SDK2: variants seen among roughly 807,000 people sequenced by gnomAD.
SDK2 encodes protein sidekick-2.
Under a neutral mutation model 253.9 loss-of-function variants are expected in SDK2, and 105 were observed. That is an observed-to-expected ratio of 0.41 (90% confidence interval 0.35 to 0.49). The LOEUF (loss-of-function observed/expected upper bound fraction) is 0.49, where lower values mean the gene tolerates loss of function less well. Among genes scored for constraint, SDK2 ranks in the 20% least tolerant of loss-of-function variants. SDK2 has a pLI of 0.06. For synonymous variants in SDK2, 1,249 were observed against 1,234.9 expected, an observed-to-expected ratio of 1.01 and a Z score of -0.24; for missense variants, 2,608 against 3,003.0, an observed-to-expected ratio of 0.87 and a Z score of 3.07.
At chr17:73,623,969 A>G (rs1213003476) in intron 1 of SDK2, among the ~76,000 whole-genome samples, 1 of 152,178 alleles carries the variant, frequency 6.6e-6, no homozygotes, top group Non-Finnish European at 1.5e-5. Flanking sequence ...CCATTAACAA[A>G]GCAGGGCCTC....
chr17:73,408,942 C>T (rs760299898), intron 18 of SDK2, among the ~76,000 whole-genome samples: 43 of 152,212 alleles, frequency 2.8e-4, no homozygotes, highest in Admixed American at 5.2e-4. Flanking sequence ...AATGATAATG[C>T]AGTTACTGTG....
Position 73,352,502 on chromosome 17 carries a change from G to A in SDK2, c.5729C>T (p.Thr1910Ile), listed in dbSNP as rs1476556516. 1.2e-6 allele frequency: 2 copies of A among 1,613,620 alleles called. No homozygotes were observed. The highest frequency in any genetic ancestry group is 2.2e-5 in the East Asian group (1 of 44,888). Residue 1910 changes from threonine to isoleucine, a missense_variant, in exon 41 of 45, where the codon ACC becomes ATC. Transcript: ENST00000392650. The surrounding 1 kb of genome is among the most constrained non-coding windows in gnomAD (Gnocchi z 4.1). ...VIAVNDYGFG[T>I]PSSPSQSVPA... The stretch of plus-strand genomic sequence containing the variant: ...CACAGACTGGGAGGGGCTGCTGGGG[G>A]TGCCGAAACCATAGTCGTTGACCGC...
At chr17:73,339,635 C>A (rs1467379877) in intron 44 of SDK2, among the ~76,000 whole-genome samples, 1 of 151,672 alleles carries the variant, frequency 6.6e-6, no homozygotes, top group Non-Finnish European at 1.5e-5. Context: ...CTCTCTGTAG[C>A]CTCAACCTCC....
At chr17:73,637,312 CCATTAGG>C (rs2143292454) in intron 1 of SDK2, among the ~76,000 whole-genome samples, 1 of 152,258 alleles carries the variant, frequency 6.6e-6, no homozygotes, top group Non-Finnish European at 1.5e-5. Context: ...AGCTCCCTTG[CCATTAGG>C]TGGGACCATG....
chr17:73,359,353 A>T (rs66884550), intron 39 of SDK2, among the ~76,000 whole-genome samples: 38,107 of 150,706 alleles, frequency 0.25, 5,239 homozygotes, highest in Middle Eastern at 0.34. Flanking sequence ...CCCTATGCCC[A>T]CCCCACAGCA....
intron 9 of SDK2, among the ~76,000 whole-genome samples, chr17:73,434,675 C>T (rs1372024968): frequency 6.6e-6 from 1 of 152,218 alleles, no homozygotes. Context: ...GGGTCTCACT[C>T]TGTCACCCAG....
intron 1 of SDK2, among the ~76,000 whole-genome samples, chr17:73,559,598 G>GCCCCCCCCC (rs10633523): frequency 9.8e-5 from 12 of 122,176 alleles, no homozygotes; most frequent in African/African-American, 3.3e-4. Context: ...CGCTCCCTGT[G>GCCCCCCCCC]CCCCCCGCCC....
chr17:73,391,594 T>C lies in SDK2; in HGVS notation c.3899-56A>G, dbSNP rs73999031. On this transcript the variant is annotated intron_variant, in intron 27 of 44. Coordinates refer to ENST00000392650, the MANE Select transcript of SDK2 (RefSeq NM_001144952.2). ...CATGAGGCTGCCGCTCAGCTGGGGA[T>C]GAGCCCAGCTCGGGCAGAGCAGCCT... The C allele has an allele frequency of 1.8e-4, 181 of 991,284 alleles. 1 individual carries two copies. The African/African-American group carries it at 2.8e-3, about 15-fold the overall frequency. 61.4% of individuals were successfully genotyped at this position (991,284 alleles called of 1,614,324 possible).
intron 18 of SDK2, among the ~76,000 whole-genome samples, chr17:73,410,815 C>G (rs1176854657): frequency 6.6e-6 from 1 of 152,236 alleles, no homozygotes; most frequent in Non-Finnish European, 1.5e-5. Context: ...GGGCTGGGCA[C>G]TGACTGGACC....
intron 1 of SDK2, among the ~76,000 whole-genome samples, chr17:73,603,142 C>A (rs533138961): frequency 1.3e-5 from 2 of 152,258 alleles, no homozygotes; most frequent in Non-Finnish European, 1.5e-5. Context: ...TGTCACATGT[C>A]CCCTGGAGGG....
At chr17:73,365,227 G>T in intron 38 of SDK2, 31 bp downstream of exon 38, 1 of 1,515,412 alleles carries the variant, frequency 6.6e-7, no homozygotes. Flanking sequence ...AAAGTGGGGG[G>T]CTGGGGAGCT....
At chr17:73,464,496 C>T (rs538173650) in intron 3 of SDK2, among the ~76,000 whole-genome samples, 47 of 152,324 alleles carry the variant, frequency 3.1e-4, no homozygotes, top group Non-Finnish European at 5.3e-4. Flanking sequence ...TTATTAGCAG[C>T]TTGAAAACAG....
chr17:73,402,232 G>A (rs1489575995), intron 18 of SDK2, 91 bp from the exon 19 acceptor site: 1 of 1,373,634 alleles, frequency 7.3e-7, no homozygotes, highest in East Asian at 2.3e-5. Context: ...TCAACAGATG[G>A]TGTCCGGGGA....
intron 2 of SDK2, among the ~76,000 whole-genome samples, chr17:73,503,938 T>C (rs960525656): frequency 6.6e-5 from 10 of 152,144 alleles, no homozygotes; most frequent in Non-Finnish European, 1.5e-4. Flanking sequence ...GTGTCACTCA[T>C]GACTCATGAA....
chr17:73,414,121 C>T (rs1345384826), intron 18 of SDK2, among the ~76,000 whole-genome samples: 1 of 150,960 alleles, frequency 6.6e-6, no homozygotes, highest in African/African-American at 2.4e-5. Flanking sequence ...AATCTCGGCT[C>T]ACTGCAACCT....
chr17:73,482,463 C>G (rs2063731842), intron 2 of SDK2, among the ~76,000 whole-genome samples: 1 of 152,230 alleles, frequency 6.6e-6, no homozygotes, highest in Non-Finnish European at 1.5e-5. Context: ...CTGGCCACCA[C>G]TGAGCCTCCC....
intron 2 of SDK2, among the ~76,000 whole-genome samples, chr17:73,475,660 A>C (rs1335310803): frequency 6.6e-6 from 1 of 152,266 alleles, no homozygotes; most frequent in Non-Finnish European, 1.5e-5. Flanking sequence ...TGTCCAAGAC[A>C]CAGAGCATGG....
intron 1 of SDK2, among the ~76,000 whole-genome samples, chr17:73,588,838 C>G (rs1306536803): frequency 1.3e-5 from 2 of 152,246 alleles, no homozygotes; most frequent in Non-Finnish European, 2.9e-5. Flanking sequence ...GACAACCGGA[C>G]AGGCGTGGGG....
rs1381431131 is a variant in SDK2, at chr17:73,455,024, A to T, written c.479+882T>A. Among the ~76,000 whole-genome samples, 1 of 152,050 alleles carries T rather than the reference A, an allele frequency of 6.6e-6. No homozygotes were observed. The highest frequency in any genetic ancestry group is 1.5e-5 in the Non-Finnish European group (1 of 67,994). ...GGCCTGTGATAGTGATATTATTATT[A>T]TTGTTATTGTTACTATGCTTCCTTC... On this transcript the variant is annotated intron_variant, in intron 4 of 44. Transcript: ENST00000392650. This position sits in a 1 kb window ranked among gnomAD's most constrained non-coding sequence, Gnocchi z 5.0.
Sources: allele counts gnomAD v4.1 joint callset (sites outside exome capture counted in the v4.1 genomes callset), GRCh38; gene constraint gnomAD v4.1.1; non-coding constraint Gnocchi (gnomAD v3.1); transcripts MANE v1.5; gene names NCBI Gene and HGNC (gene_info 2026-07-23, HGNC 2026-07-21).